The following DUSP15 variants were observed in gnomAD, a reference collection of about 807,000 sequenced individuals.
DUSP15 encodes dual specificity protein phosphatase 15.
In DUSP15, 23 loss-of-function variants were observed where a neutral mutation model predicts 26.3. The ratio of observed to expected loss-of-function variants is 0.87; its 90% CI spans 0.63 to 1.24. DUSP15 has a LOEUF of 1.24. DUSP15 is among the 50% of genes most tolerant of loss of function. The pLI is 0.00. For missense variants in DUSP15, 364 were observed against 320.6 expected (o/e 1.14, Z -1.03); for synonymous variants, 143 against 135.5 (o/e 1.06, Z -0.39).
At chr20:31,853,676 A>T (rs2062512310) in intron 6 of DUSP15, among the ~76,000 whole-genome samples, 1 of 150,914 alleles carries the variant, frequency 6.6e-6, no homozygotes, top group South Asian at 2.1e-4. Context: ...ATCAGGGCTC[A>T]CTGCAACCTC....
intron 6 of DUSP15, among the ~76,000 whole-genome samples, chr20:31,851,453 T>C (rs989478590): frequency 1.3e-5 from 2 of 151,710 alleles, no homozygotes; most frequent in South Asian, 2.1e-4. Flanking sequence ...GGTGGAGTGA[T>C]GGACCCAAGG....
At chr20:31,846,543 C>G (rs1207286064), downstream of DUSP15, among the ~76,000 whole-genome samples, 1 of 151,506 alleles carries the variant, frequency 6.6e-6, no homozygotes, top group Non-Finnish European at 1.5e-5. Context: ...TTCTCTAATC[C>G]CTACCTCTAC....
chr20:31,856,779 C>T (rs575488551), downstream of DUSP15, among the ~76,000 whole-genome samples: 1 of 151,802 alleles, frequency 6.6e-6, no homozygotes, highest in South Asian at 2.1e-4. Flanking sequence ...GCTGAGGCCA[C>T]GGAAGGGGAC....
chr20:31,856,882 G>A (rs1046627110), downstream of DUSP15, among the ~76,000 whole-genome samples: 2 of 152,088 alleles, frequency 1.3e-5, no homozygotes, highest in African/African-American at 4.8e-5. Flanking sequence ...AGGCCTGGGA[G>A]GGGTTGCAGG....
At position 31,861,658 on chromosome 20, in the gene DUSP15, C is replaced by T. The variant is rs983933223; in HGVS notation, c.453G>A (p.Glu151=). Residue 151 remains glutamate, a synonymous_variant, in exon 7 of 7, where the codon GAG becomes GAA. Coordinates refer to ENST00000339738, the MANE Select transcript of DUSP15 (RefSeq NM_080611.5). ...GGAAGGGGCTCTCGCCGAAGCGCTC[C>T]TCCAGCTGCCGGCGAAGCTGGGGTG... is the stretch of plus-strand genomic sequence containing the variant. ...ASSQKLRRQL[E]ERFGESPFRD... 9 of 1,481,220 alleles carry T rather than the reference C, an allele frequency of 6.1e-6. No individual in the cohort carries two copies. Among genetic ancestry groups the T allele is most frequent in the Middle Eastern group, 2.4e-4 (1 of 4,210 alleles). 91.8% of individuals were successfully genotyped at this position (1,481,220 alleles called of 1,614,324 possible).
At chr20:31,852,057 G>A (rs1231030621) in intron 6 of DUSP15, among the ~76,000 whole-genome samples, 1 of 150,090 alleles carries the variant, frequency 6.7e-6, no homozygotes, top group Non-Finnish European at 1.5e-5. Flanking sequence ...GCCCAGGCTG[G>A]AGTGCAATGG....
At chr20:31,866,717 T>G (rs1339393449) in intron 3 of DUSP15, among the ~76,000 whole-genome samples, 1 of 152,198 alleles carries the variant, frequency 6.6e-6, no homozygotes. Context: ...CAAGGTTGCA[T>G]AGCAAGATAC....
chr20:31,866,938 G>T (rs1600481153), intron 3 of DUSP15, 133 bp downstream of exon 3: 1 of 850,454 alleles, frequency 1.2e-6, no homozygotes, highest in Non-Finnish European at 1.8e-6. Flanking sequence ...ATGTAAAATG[G>T]CCCAGTGGTG....
intron 6 of DUSP15, among the ~76,000 whole-genome samples, chr20:31,852,715 G>A (rs946547274): frequency 2.6e-5 from 4 of 152,318 alleles, no homozygotes; most frequent in East Asian, 1.9e-4. Context: ...GGAGGCTGAG[G>A]CAGGAGAATC....
At chr20:31,858,668 A>T (rs2062600874), downstream of DUSP15, among the ~76,000 whole-genome samples, 1 of 152,172 alleles carries the variant, frequency 6.6e-6, no homozygotes, top group Non-Finnish European at 1.5e-5. This position sits in a 1 kb window ranked among gnomAD's most constrained non-coding sequence, Gnocchi z 4.4. Flanking sequence ...CCAGAGACAC[A>T]GCTTTGCCCC....
intron 6 of DUSP15, among the ~76,000 whole-genome samples, chr20:31,853,939 CCT>C (rs1024947492): frequency 1.4e-4 from 22 of 151,964 alleles, no homozygotes; most frequent in African/African-American, 5.3e-4. Flanking sequence ...TCAGAAAAGG[CCT>C]CTTTCAGGAG....
At position 31,864,122 on chromosome 20, in the gene DUSP15, G is replaced by T. The variant is rs1191027203; in HGVS notation, c.189-141C>A. ...CAGCCAGCACATGCAGTGAATATGG[G>T]CCAGTACTTAGTATGAGCTGGAGGT... On this transcript the variant is annotated intron_variant, in intron 4 of 6. Transcript: ENST00000339738. The T allele has an allele frequency of 5.4e-5, 79 of 1,474,636 alleles. No individual in the cohort carries two copies. In the South Asian group the frequency reaches 8.4e-4, roughly 16 times the overall value. The allele number at this position is 1,474,636 out of a possible 1,614,324, so 91.3% of individuals were successfully genotyped here. A position where few individuals can be genotyped will look rare whatever the true frequency, so the allele number is the denominator to read the frequency against.
Position 31,864,978 on chromosome 20 carries a change from C to T in DUSP15, c.163G>A (p.Val55Ile), listed in dbSNP as rs749695793. 14 of 1,613,960 alleles carry T rather than the reference C, an allele frequency of 8.7e-6. No individual in the cohort carries two copies. In the African/African-American group the frequency reaches 1.7e-4, roughly 20 times the overall value. ...LQDITYLRIPVADTPEVPIKK... is the reference protein window; with the variant it reads ...LQDITYLRIPIADTPEVPIKK... The stretch of plus-strand genomic sequence containing the variant: ...ATGGGTACCTCAGGGGTATCAGCGA[C>T]CGGGATGCGAAGGTAGGTGATATCC... Residue 55 changes from valine (V) to isoleucine (I), a missense_variant, in exon 4 of 7, where the codon GTC (valine) becomes ATC (isoleucine). Coordinates refer to ENST00000339738, the MANE Select transcript of DUSP15 (RefSeq NM_080611.5).
intron 9 of DUSP15, chr20:31,848,710 T>A: frequency 6.7e-7 from 1 of 1,484,230 alleles, no homozygotes. Flanking sequence ...GCTAGAAGTG[T>A]CAGAGGCAGA....
chr20:31,870,649 C>T (rs1349648634), upstream of DUSP15: 1 of 1,280,684 alleles, frequency 7.8e-7, no homozygotes, highest in East Asian at 3.0e-5. The surrounding 1 kb of genome is among the most constrained non-coding windows in gnomAD (Gnocchi z 6.6). Context: ...GCCGGGCCCA[C>T]GGCCCGCGGG....
At chr20:31,848,315 G>A (rs1376103625) in exon 10 of DUSP15, 19 of 1,421,020 alleles carry the variant, frequency 1.3e-5, no homozygotes, top group Non-Finnish European at 1.7e-5. Flanking sequence ...GGCAGACCTG[G>A]GTGATGTGCC....
At chr20:31,849,601 C>T in intron 8 of DUSP15, 1 of 1,427,470 alleles carries the variant, frequency 7.0e-7, no homozygotes, top group Non-Finnish European at 9.7e-7. Context: ...CCTTGTTGGG[C>T]TGCGCCAGTA....
At chr20:31,848,217 T>G in exon 10 of DUSP15, 2 of 560,118 alleles carry the variant, frequency 3.6e-6, no homozygotes, top group South Asian at 5.4e-5. Context: ...CGAAGCCCCA[T>G]GCCCAGCTGG....
downstream of DUSP15, among the ~76,000 whole-genome samples, chr20:31,846,223 GACAC>G (rs532995299): frequency 2.1e-4 from 31 of 144,918 alleles, no homozygotes; most frequent in South Asian, 2.5e-3. Flanking sequence ...CATACACACA[GACAC>G]ACACACAAGC....
Sources: gnomAD v4.1 joint callset for allele counts (sites outside exome capture counted in the v4.1 genomes callset) on GRCh38, gnomAD v4.1.1 for gene constraint, Gnocchi (gnomAD v3.1) non-coding constraint, MANE v1.5 for transcripts, NCBI Gene and HGNC (gene_info 2026-07-23, HGNC 2026-07-21) for gene names.